The following TPGS2 variants were observed in gnomAD, a reference collection of about 807,000 sequenced individuals.
The protein encoded by TPGS2 is polyglutamylase subunit 2.
A neutral mutation model predicts 31.1 loss-of-function variants in TPGS2; 26 were observed. That is an observed-to-expected ratio of 0.84 (90% CI 0.61 to 1.16). The LOEUF is 1.16. TPGS2 is among the 50% of genes most tolerant of loss of function. TPGS2 has a pLI of 0.00. For synonymous variants in TPGS2, 130 were observed against 136.6 expected, an observed-to-expected ratio of 0.95 and a Z score of 0.34; for missense variants, 351 against 363.8, an observed-to-expected ratio of 0.96 and a Z score of 0.29.
At position 36,783,119 on chromosome 18, in the gene TPGS2, GGCCTAAAAGAGCCTATAAGA is replaced by G; in HGVS notation, c.658-8_669del. The G allele has an allele frequency of 1.0e-5, 4 of 398,458 alleles. No homozygotes were observed. The highest frequency in any genetic ancestry group is 1.8e-5 in the Non-Finnish European group (4 of 226,006). The allele number at this position is 398,458 out of a possible 1,614,324, so 24.7% of individuals were successfully genotyped here. A position where few individuals can be genotyped will look rare whatever the true frequency, so the allele number is the denominator to read the frequency against. On this transcript the variant is annotated splice_acceptor_variant and splice_polypyrimidine_tract_variant and coding_sequence_variant and intron_variant, in exon 7 of 7. Coordinates refer to the TPGS2 transcript ENST00000587129. LOFTEE classifies it high-confidence loss of function. ...ACCGGAGGACTAGATCCATCAAAAA[GGCCTAAAAGAGCCTATAAGA>G]AAAATCAATTTGCGTTGTTAAACTT...
In TPGS2 at chr18:36,796,547, A is replaced by T. The variant is rs979706324; in HGVS notation, c.*258T>A. 16 of 1,282,542 alleles carry T rather than the reference A, an allele frequency of 1.2e-5. No homozygotes were observed. The highest frequency in any genetic ancestry group is 1.5e-5 in the Non-Finnish European group (15 of 1,018,988). 79.4% of individuals were successfully genotyped at this position (1,282,542 alleles called of 1,614,324 possible). ...GAGGGTTGAGTGTTGAAGAAGAGGA[A>T]AGCACTCAGACTTATTTGGGCACTT... On this transcript the variant is annotated 3_prime_UTR_variant, in exon 7 of 7. Coordinates refer to ENST00000334295, the MANE Select transcript of TPGS2 (RefSeq NM_015476.4).
intron 5 of TPGS2, 46 bp from the exon 6 acceptor site, chr18:36,798,655 A>G (rs773777187): frequency 6.3e-7 from 1 of 1,586,774 alleles, no homozygotes; most frequent in Non-Finnish European, 8.6e-7. Flanking sequence ...ATAGCTTAAC[A>G]GTTTTTTCTT....
chr18:36,790,618 A>G (rs922050978), downstream of TPGS2, among the ~76,000 whole-genome samples: 3 of 152,346 alleles, frequency 2.0e-5, no homozygotes, highest in East Asian at 5.8e-4. Flanking sequence ...AGACATTGGA[A>G]CATTGCTAAC....
At chr18:36,817,196 T>G (rs2045695707) in intron 2 of TPGS2, among the ~76,000 whole-genome samples, 1 of 152,122 alleles carries the variant, frequency 6.6e-6, no homozygotes, top group African/African-American at 2.4e-5. Flanking sequence ...AGGTCCTGGA[T>G]CAACTCCCAG....
Position 36,800,181 on chromosome 18 carries a change from T to C in TPGS2, c.496+17A>G. 1.2e-6 allele frequency: 2 copies of C among 1,611,632 alleles called. No homozygotes were observed. Among genetic ancestry groups the C allele is most frequent in the South Asian group, 1.1e-5 (1 of 91,010 alleles). ...CCCTAGCCAAACTACGGGACCACGC[T>C]TGTAAACAATTCTTACCTGGTTTCC... On this transcript the variant is annotated intron_variant, in intron 5 of 6. Coordinates refer to ENST00000334295, the MANE Select transcript of TPGS2 (RefSeq NM_015476.4).
chr18:36,780,275 C>T (rs544869281), downstream of TPGS2: 62 of 1,023,378 alleles, frequency 6.1e-5, no homozygotes, highest in Admixed American at 1.3e-4. Context: ...TGTTACAGGA[C>T]GTGTTAGCTG....
chr18:36,808,043 G>A (rs1257675543), intron 2 of TPGS2, 109 bp from the exon 3 acceptor site: 1 of 1,024,732 alleles, frequency 9.8e-7, no homozygotes, highest in Non-Finnish European at 1.5e-6. Context: ...CCCTGAAATA[G>A]GAAGGCTCTG....
chr18:36,812,263 C>A (rs1193910431), intron 2 of TPGS2, among the ~76,000 whole-genome samples: 1 of 152,158 alleles, frequency 6.6e-6, no homozygotes, highest in Non-Finnish European at 1.5e-5. Flanking sequence ...TGACAAATGA[C>A]TGGCATCTCC....
At position 36,798,456 on chromosome 18, in the gene TPGS2, T is replaced by G; in HGVS notation, c.650A>C (p.Gln217Pro). Residue 217 changes from glutamine to proline, a missense_variant, in exon 6 of 7, where the codon CAG (glutamine) becomes CCG (proline). Gln to Pro is a moderately conservative substitution (Grantham distance 76). Transcript: ENST00000334295. ...CAGGTGTTCCTCCCTTACCTTGGCC[T>G]GTGGGCTAATGCCATAGCTGGTGAA... ...YAFTSYGISP[Q>P]AKQWFSMYKP... 6.2e-7 allele frequency: 1 copy of G among 1,614,212 alleles called. No homozygotes were observed. Among genetic ancestry groups the G allele is most frequent in the Middle Eastern group, 1.7e-4 (1 of 6,060 alleles).
In TPGS2 at chr18:36,798,313, T is replaced by C. The variant is rs73947018; in HGVS notation, c.657+136A>G. ...CCATTGGAATCATCTGTCTTGCTTA[T>C]TGAAAATGCAGGTTCCTGGGCCCCA... On this transcript the variant is annotated intron_variant, in intron 6 of 6. Transcript: ENST00000334295. 826 of 1,510,210 alleles carry C rather than the reference T, an allele frequency of 5.5e-4. 4 individuals carry two copies. In the African/African-American group the frequency reaches 9.6e-3, roughly 18 times the overall value. 93.6% of individuals were successfully genotyped at this position (1,510,210 alleles called of 1,614,324 possible). A position where few individuals can be genotyped will look rare whatever the true frequency, so the allele number is the denominator to read the frequency against.
chr18:36,827,501 G>C (rs374205306), intron 1 of TPGS2, among the ~76,000 whole-genome samples: 7 of 152,220 alleles, frequency 4.6e-5, no homozygotes, highest in Non-Finnish European at 8.8e-5. Flanking sequence ...AACCCGCTTA[G>C]TGTGTTTAAG....
At chr18:36,807,733 G>A in intron 3 of TPGS2, 114 bp downstream of exon 3, 2 of 870,694 alleles carry the variant, frequency 2.3e-6, no homozygotes, top group East Asian at 2.6e-5. Flanking sequence ...GGCACTTGAG[G>A]GGCACCCATG....
At chr18:36,816,081 A>G (rs947486495) in intron 2 of TPGS2, among the ~76,000 whole-genome samples, 2 of 152,230 alleles carry the variant, frequency 1.3e-5, no homozygotes, top group Non-Finnish European at 2.9e-5. Flanking sequence ...TACGTATCTG[A>G]TTATTTTAGG....
chr18:36,793,024 C>A (rs989530001), downstream of TPGS2, among the ~76,000 whole-genome samples: 1 of 152,172 alleles, frequency 6.6e-6, no homozygotes, highest in Non-Finnish European at 1.5e-5. Context: ...ACTTAACCTC[C>A]TGTTGTTGGG....
chr18:36,810,672 C>T (rs989890343), intron 2 of TPGS2, among the ~76,000 whole-genome samples: 1 of 152,144 alleles, frequency 6.6e-6, no homozygotes, highest in African/African-American at 2.4e-5. Context: ...ATCTCTAGCC[C>T]AGTGGTGATT....
Position 36,796,178 on chromosome 18 carries a change from T to G in TPGS2, c.*627A>C. 1 of 985,414 alleles carries G rather than the reference T, an allele frequency of 1.0e-6. No individual in the cohort carries two copies. The highest frequency in any genetic ancestry group is 4.7e-5 in the South Asian group (1 of 21,286). The allele number at this position is 985,414 out of a possible 1,614,324, so 61.0% of individuals were successfully genotyped here. A position where few individuals can be genotyped will look rare whatever the true frequency, so the allele number is the denominator to read the frequency against. ...ACAATTGTGTACTTGAGAGGTTTCA[T>G]GGAACATTATGACCCATCCAATGAA... On this transcript the variant is annotated 3_prime_UTR_variant, in exon 7 of 7. Coordinates refer to ENST00000334295, the MANE Select transcript of TPGS2 (RefSeq NM_015476.4).
chr18:36,819,086 A>T, intron 1 of TPGS2, 113 bp from the exon 2 acceptor site: 1 of 822,644 alleles, frequency 1.2e-6, no homozygotes, highest in Non-Finnish European at 2.0e-6. Flanking sequence ...AATCCTTCTC[A>T]TGAACACTTA....
In TPGS2 at chr18:36,796,813, G is replaced by A. The variant is rs755462731; in HGVS notation, c.895C>T (p.Arg299Trp). 40 of 1,595,324 alleles carry A rather than the reference G, an allele frequency of 2.5e-5. No homozygotes were observed. The Middle Eastern group carries it at 7.3e-4, about 29-fold the overall frequency. ...KSSSGSGNPTRK is the reference protein window; with the variant it reads ...KSSSGSGNPTWK ...GTTGGAGGGAGGGGTGCTCACTTCC[G>A]GGTGGGGTTTCCAGAGCCAGAGGAG... The change falls in exon 7 of 7, where the codon CGG (arginine) becomes TGG (tryptophan). Residue 299 changes from arginine to tryptophan, a missense_variant. Coordinates refer to ENST00000334295, the MANE Select transcript of TPGS2 (RefSeq NM_015476.4).
chr18:36,796,576 C>G lies in TPGS2; in HGVS notation c.*229G>C, dbSNP rs1419791182. ...ACTCAGACTTATTTGGGCACTTACACAAGATTCCAAATTCCCCATTGCTTC... is the reference window on the plus strand; with the variant it reads ...ACTCAGACTTATTTGGGCACTTACAGAAGATTCCAAATTCCCCATTGCTTC... On this transcript the variant is annotated 3_prime_UTR_variant, in exon 7 of 7. Coordinates refer to ENST00000334295, the MANE Select transcript of TPGS2 (RefSeq NM_015476.4). The G allele has an allele frequency of 7.6e-7, 1 of 1,321,184 alleles. No homozygotes were observed. The highest frequency in any genetic ancestry group is 9.6e-7 in the Non-Finnish European group (1 of 1,042,616). 81.8% of individuals were successfully genotyped at this position (1,321,184 alleles called of 1,614,324 possible). A position where few individuals can be genotyped will look rare whatever the true frequency, so the allele number is the denominator to read the frequency against.
Sources: gnomAD v4.1 joint callset for allele counts (sites outside exome capture counted in the v4.1 genomes callset) on GRCh38, gnomAD v4.1.1 for gene constraint, MANE v1.5 for transcripts, NCBI Gene and HGNC (gene_info 2026-07-23, HGNC 2026-07-21) for gene names.